Variants in DENND2B observed in about 807,000 individuals in gnomAD.
The protein encoded by DENND2B is DENN domain containing 2B.
In DENND2B, 32 loss-of-function variants were observed where a neutral mutation model predicts 116.0. The ratio of observed to expected loss-of-function variants is 0.28; its 90% CI spans 0.21 to 0.37. The LOEUF is 0.37. Among genes scored for constraint, DENND2B ranks in the 10% least tolerant of loss-of-function variants. The pLI, the probability that DENND2B is intolerant of heterozygous loss-of-function variation, is 1.00. For synonymous variants in DENND2B, 588 were observed against 583.9 expected (o/e 1.01, Z -0.10); for missense variants, 1,276 against 1,477.7 (o/e 0.86, Z 2.24).
intron 19 of DENND2B, 73 bp from the exon 20 acceptor site, chr11:8,694,203 A>G: frequency 6.4e-7 from 1 of 1,555,692 alleles, no homozygotes; most frequent in Non-Finnish European, 8.9e-7. Context: ...TCCTCCTTGT[A>G]GCCCTAACCC....
chr11:8,718,566 T>G (rs1367548787), intron 4 of DENND2B: 2 of 1,403,386 alleles, frequency 1.4e-6, no homozygotes, highest in Non-Finnish European at 1.9e-6. Flanking sequence ...TAGTGTCTAT[T>G]CCCTCTACCG....
intron 1 of DENND2B, among the ~76,000 whole-genome samples, chr11:8,890,910 G>T (rs550609160): frequency 6.6e-6 from 1 of 151,982 alleles, no homozygotes; most frequent in African/African-American, 2.4e-5. Context: ...GATACTCCTC[G>T]AGAAGAGCAA....
chr11:8,814,529 G>C (rs557324653), upstream of DENND2B, among the ~76,000 whole-genome samples: 1 of 152,192 alleles, frequency 6.6e-6, no homozygotes, highest in East Asian at 1.9e-4. Flanking sequence ...CTACCAAGCA[G>C]TCTTTGCCTG....
intron 1 of DENND2B, among the ~76,000 whole-genome samples, chr11:8,906,491 G>A (rs1370443646): frequency 1.6e-5 from 2 of 128,206 alleles, no homozygotes; most frequent in Non-Finnish European, 1.6e-5. Context: ...GAGCCACCGC[G>A]CCCAGCCAAG....
At chr11:8,696,806 C>A (rs966763219) in intron 17 of DENND2B, 140 bp from the exon 18 acceptor site, 3 of 1,347,436 alleles carry the variant, frequency 2.2e-6, no homozygotes, top group Non-Finnish European at 3.0e-6. Flanking sequence ...TTTTTGAGAC[C>A]GAGTTTCACT....
chr11:8,812,116 CA>C (rs2061405962), upstream of DENND2B, among the ~76,000 whole-genome samples: 1 of 152,176 alleles, frequency 6.6e-6, no homozygotes, highest in Non-Finnish European at 1.5e-5. Flanking sequence ...GTTAGGCAGT[CA>C]AAGAACTAAG....
chr11:8,798,865 T>C (rs2060061236), intron 1 of DENND2B, among the ~76,000 whole-genome samples: 1 of 150,928 alleles, frequency 6.6e-6, no homozygotes. Flanking sequence ...TTCACTCTTG[T>C]TGCCCAGGCT....
At chr11:8,695,676 T>C in intron 18 of DENND2B, 127 bp from the exon 19 acceptor site, 1 of 785,158 alleles carries the variant, frequency 1.3e-6, no homozygotes, top group Non-Finnish European at 2.1e-6. Context: ...GGATGATAAT[T>C]TGCAGGAGCA....
chr11:8,871,096 G>C (rs1236372112), intron 1 of DENND2B: 1 of 152,402 alleles, frequency 6.6e-6, no homozygotes, highest in African/African-American at 2.4e-5. Flanking sequence ...GGGCTGCAGG[G>C]AGAGAGAGGG....
chr11:8,696,183 A>T (rs1328233533), intron 18 of DENND2B, among the ~76,000 whole-genome samples: 1 of 152,200 alleles, frequency 6.6e-6, no homozygotes, highest in Admixed American at 6.5e-5. Flanking sequence ...AACCAATGGC[A>T]TGCTGCTCCT....
intron 16 of DENND2B, among the ~76,000 whole-genome samples, chr11:8,698,601 T>C (rs2040892958): frequency 6.6e-6 from 1 of 152,216 alleles, no homozygotes; most frequent in Non-Finnish European, 1.5e-5. Context: ...AGGCAGGTGT[T>C]GTCACCACCT....
intron 1 of DENND2B, among the ~76,000 whole-genome samples, chr11:8,783,375 T>A (rs1030210588): frequency 2.0e-5 from 3 of 152,168 alleles, no homozygotes; most frequent in Non-Finnish European, 4.4e-5. Flanking sequence ...TAACAATTCA[T>A]CCATACAATG....
chr11:8,867,468 A>C (rs2134697015), intron 2 of DENND2B, among the ~76,000 whole-genome samples: 1 of 152,236 alleles, frequency 6.6e-6, no homozygotes, highest in South Asian at 2.1e-4. Flanking sequence ...TTTCCTCCAT[A>C]ACACAAAGTG....
Position 8,721,513 on chromosome 11 carries a change from TCC to T in DENND2B, c.1478-3623_1478-3622del, listed in dbSNP as rs551745941. On this transcript the variant is annotated intron_variant, in intron 4 of 19. Coordinates refer to ENST00000313726, the MANE Select transcript of DENND2B (RefSeq NM_213618.2). ...CAGCTTCCCTCCCCAACAACCTCCG[TCC>T]GGTTCCAACCAGCTGTTTCTCCTGG... 0.012 allele frequency among the ~76,000 whole-genome samples: 46 copies of T among 3,902 alleles called. No individual in the cohort carries two copies. In the South Asian group the frequency reaches 0.4, roughly 34 times the overall value. 2.6% of individuals were successfully genotyped at this position (3,902 alleles called of 152,430 possible). A position where few individuals can be genotyped will look rare whatever the true frequency, so the allele number is the denominator to read the frequency against.
At chr11:8,892,208 A>C (rs1417545199) in intron 1 of DENND2B, among the ~76,000 whole-genome samples, 1 of 152,234 alleles carries the variant, frequency 6.6e-6, no homozygotes. Flanking sequence ...ACAAAGACAC[A>C]ACATACCAGA....
rs980950819 is a variant in DENND2B, at chr11:8,824,950, C to T, written c.-114-13615G>A. Among the ~76,000 whole-genome samples, 104 of 151,328 alleles carry T rather than the reference C, an allele frequency of 6.9e-4. 1 individual carries two copies. Among genetic ancestry groups the T allele is most frequent in the Non-Finnish European group, 1.3e-4 (9 of 67,926 alleles). ...CTGACCTCAAGTGATCTGCCTGCCT[C>T]GGCCTCCTGAAGTGCTGGAATTACA... is the stretch of plus-strand genomic sequence containing the variant. On this transcript the variant is annotated intron_variant, in intron 4 of 6. Transcript: ENST00000524757.
At position 8,754,024 on chromosome 11, in the gene DENND2B, A is replaced by AGCGT. The variant is rs1555169704; in HGVS notation, c.-25-3300_-25-3299insACGC. The stretch of plus-strand genomic sequence containing the variant: ...ATGGTTTCTTAGATATAACACCAAA[A>AGCGT]GCGCGCACACACACACACACACACA... On this transcript the variant is annotated intron_variant, in intron 1 of 19. Coordinates refer to ENST00000313726, the MANE Select transcript of DENND2B (RefSeq NM_213618.2). Among the ~76,000 whole-genome samples the AGCGT allele has an allele frequency of 3.0e-3, 431 of 142,868 alleles. 1 individual carries two copies. Among genetic ancestry groups the AGCGT allele is most frequent in the Non-Finnish European group, 5.1e-3 (334 of 65,844 alleles). The allele number at this position is 142,868 out of a possible 152,430, so 93.7% of individuals were successfully genotyped here. A position where few individuals can be genotyped will look rare whatever the true frequency, so the allele number is the denominator to read the frequency against.
At chr11:8,793,666 C>T (rs933425715) in intron 1 of DENND2B, among the ~76,000 whole-genome samples, 33 of 152,144 alleles carry the variant, frequency 2.2e-4, no homozygotes, top group African/African-American at 7.5e-4. Context: ...AATAATGCTG[C>T]AATGAACACT....
At chr11:8,786,980 A>C (rs1173821822) in intron 1 of DENND2B, 6 of 152,300 alleles carry the variant, frequency 3.9e-5, no homozygotes, top group African/African-American at 1.4e-4. Context: ...CCCAGGTGTT[A>C]ATTATGTTAA....
Sources: gnomAD v4.1 joint callset for allele counts (sites outside exome capture counted in the v4.1 genomes callset) on GRCh38, gnomAD v4.1.1 for gene constraint, MANE v1.5 for transcripts, NCBI Gene and HGNC (gene_info 2026-07-23, HGNC 2026-07-21) for gene names.